CHD2: variants seen among roughly 807,000 people sequenced by gnomAD.
The protein encoded by CHD2 is chromodomain helicase DNA binding protein 2.
A neutral mutation model predicts 243.9 loss-of-function variants in CHD2; 28 were observed. The observed-to-expected ratio is 0.11, with a 90% CI of 0.09 to 0.16. The LOEUF (loss-of-function observed/expected upper bound fraction) is 0.16, where lower values mean the gene tolerates loss of function less well. Ranked by LOEUF, CHD2 falls within the 10% of genes least tolerant of loss-of-function variation. The pLI is 1.00. For missense variants in CHD2, 1,386 were observed against 2,209.8 expected, an observed-to-expected ratio of 0.63 and a Z score of 7.47; for synonymous variants, 775 against 779.0, an observed-to-expected ratio of 0.99 and a Z score of 0.09.
chr15:92,928,966 A>G (rs2053115998), intron 4 of CHD2, 64 bp from the exon 5 acceptor site: 20 of 1,447,340 alleles, frequency 1.4e-5, no homozygotes, highest in Non-Finnish European at 1.7e-5. Context: ...TCCAGGAGAT[A>G]GTGTTGTCCC....
chr15:93,012,507 A>C, intron 36 of CHD2, 63 bp downstream of exon 36: 1 of 1,273,400 alleles, frequency 7.9e-7, no homozygotes, highest in South Asian at 1.3e-5. Flanking sequence ...AAAATCTCTT[A>C]ATTTTTGTTT....
At chr15:92,946,473 T>C in intron 12 of CHD2, 1 of 245,338 alleles carries the variant, frequency 4.1e-6, no homozygotes. Flanking sequence ...ATTTAGGCAC[T>C]TTTATTTTAT....
rs2052512419 is a variant in CHD2, at chr15:92,900,371, G to A, written c.-525G>A. The A allele has an allele frequency of 2.6e-6, 1 of 390,882 alleles. No individual in the cohort carries two copies. Among genetic ancestry groups the A allele is most frequent in the Non-Finnish European group, 4.5e-6 (1 of 221,988 alleles). The allele number at this position is 390,882 out of a possible 1,614,324, so 24.2% of individuals were successfully genotyped here. ...ATGGCGGCTGTGCCTTAGAGAGAGC[G>A]CGCTCTGCTCCCTGCCTTTGCCTCA... On this transcript the variant is annotated 5_prime_UTR_variant, in exon 1 of 39. Coordinates refer to ENST00000394196, the MANE Select transcript of CHD2 (RefSeq NM_001271.4).
chr15:93,010,834 C>T (rs1375351564), intron 35 of CHD2, among the ~76,000 whole-genome samples: 1 of 152,146 alleles, frequency 6.6e-6, no homozygotes, highest in Admixed American at 6.6e-5. Context: ...CTTGTTTGTA[C>T]ATAACCACAG....
At chr15:92,937,404 TA>T in intron 5 of CHD2, 113 bp from the exon 6 acceptor site, 1 of 690,646 alleles carries the variant, frequency 1.4e-6, no homozygotes, top group Non-Finnish European at 2.4e-6. Context: ...TTAGCATGTC[TA>T]AAATGTGCAT....
Position 93,014,141 on chromosome 15 carries a change from AC to A in CHD2, c.4693-554del, listed in dbSNP as rs1167753963. Among the ~76,000 whole-genome samples the A allele has an allele frequency of 2.0e-5, 3 of 152,320 alleles. No homozygotes were observed. The South Asian group carries it at 6.2e-4, about 32-fold the overall frequency. ...ACTACAAAAAAAAGCTTAGAAAAAT[AC>A]GTGCCAAATTATTAACAGTAATTCC... On this transcript the variant is annotated intron_variant, in intron 36 of 38. Transcript: ENST00000394196.
intron 38 of CHD2, among the ~76,000 whole-genome samples, chr15:93,023,674 T>TG (rs1197028688): frequency 7.1e-6 from 1 of 140,460 alleles, no homozygotes; most frequent in Non-Finnish European, 1.5e-5. Context: ...CTGGGTTTTT[T>TG]TTTTGTGTTT....
rs1376428350 is a variant in CHD2 at position 93,025,957 on chromosome 15, G to A, written c.*1252G>A. On this transcript the variant is annotated 3_prime_UTR_variant, in exon 39 of 39. Coordinates refer to ENST00000394196, the MANE Select transcript of CHD2 (RefSeq NM_001271.4). ...TCAGTTTCTCTTAGAATATAATCAG[G>A]TATAAACCTAAGTTAAACTTTTTCC... 1 of 152,516 alleles carries A rather than the reference G, an allele frequency of 6.6e-6. No homozygotes were observed. The highest frequency in any genetic ancestry group is 2.4e-5 in the African/African-American group (1 of 41,406). 9.4% of individuals were successfully genotyped at this position (152,516 alleles called of 1,614,324 possible). A position where few individuals can be genotyped will look rare whatever the true frequency, so the allele number is the denominator to read the frequency against.
At chr15:92,984,300 A>G (rs896715431) in intron 24 of CHD2, 30 bp from the exon 25 acceptor site, 2 of 1,483,100 alleles carry the variant, frequency 1.3e-6, no homozygotes, top group Non-Finnish European at 1.8e-6. Flanking sequence ...GAAATAGGGA[A>G]ATGTCAGACA....
At chr15:92,988,181 C>G (rs2054069725) in intron 26 of CHD2, among the ~76,000 whole-genome samples, 1 of 151,958 alleles carries the variant, frequency 6.6e-6, no homozygotes, top group African/African-American at 2.4e-5. Context: ...TTCCCAGGTT[C>G]AAGTGACTGT....
At chr15:92,994,397 TA>T (rs568317759) in intron 28 of CHD2, among the ~76,000 whole-genome samples, 48 of 152,100 alleles carry the variant, frequency 3.2e-4, no homozygotes, top group East Asian at 2.9e-3. Flanking sequence ...ATTTTAATAA[TA>T]AAAAATTATT....
chr15:92,963,869 GAC>G (rs1328620280), intron 16 of CHD2, among the ~76,000 whole-genome samples: 2 of 152,226 alleles, frequency 1.3e-5, no homozygotes, highest in Admixed American at 6.5e-5. Flanking sequence ...AGAGTTATGA[GAC>G]ACAGTGGGAA....
At position 92,953,444 on chromosome 15, in the gene CHD2, C is replaced by T; in HGVS notation, c.1590C>T (p.His530=). 3 of 1,614,158 alleles carry T rather than the reference C, an allele frequency of 1.9e-6. No homozygotes were observed. The highest frequency in any genetic ancestry group is 2.5e-6 in the Non-Finnish European group (3 of 1,180,026). Residue 530 remains histidine, a synonymous_variant, in exon 14 of 39, where the codon CAC becomes CAT. Coordinates refer to ENST00000394196, the MANE Select transcript of CHD2 (RefSeq NM_001271.4). ...TCCTCTCCTACCTGTTCCACCAACA[C>T]CAGCTGTATGGCCCCTTTCTTATAG... ...ISFLSYLFHQ[H]QLYGPFLIVV... is the part of the protein sequence containing the mutation.
chr15:92,973,686 A>C (rs574102058), intron 19 of CHD2, among the ~76,000 whole-genome samples: 6 of 152,214 alleles, frequency 3.9e-5, no homozygotes, highest in Non-Finnish European at 5.9e-5. Context: ...CTTCTCTGTC[A>C]GTGAATCGAA....
intron 17 of CHD2, among the ~76,000 whole-genome samples, chr15:92,968,476 A>G (rs2053796839): frequency 1.3e-5 from 2 of 152,230 alleles, no homozygotes; most frequent in Admixed American, 6.5e-5. Flanking sequence ...AGGCAGAGGA[A>G]TATTGTTTCA....
chr15:92,956,320 T>A (rs1002189185), intron 15 of CHD2, 139 bp from the exon 16 acceptor site: 5 of 639,530 alleles, frequency 7.8e-6, no homozygotes, highest in Non-Finnish European at 1.3e-5. Context: ...AGAAGAGGCC[T>A]AATATATATT....
intron 26 of CHD2, among the ~76,000 whole-genome samples, chr15:92,985,973 A>G (rs2054037557): frequency 6.6e-6 from 1 of 152,208 alleles, no homozygotes. Flanking sequence ...ATGTATATAC[A>G]GACTTATGTA....
chr15:92,971,670 C>T, intron 17 of CHD2, 95 bp from the exon 18 acceptor site: 1 of 1,084,026 alleles, frequency 9.2e-7, no homozygotes, highest in South Asian at 2.8e-5. Context: ...CTCTTTTTTT[C>T]TCCACAATAC....
chr15:92,969,097 G>A (rs193272168), intron 17 of CHD2, among the ~76,000 whole-genome samples: 1 of 152,352 alleles, frequency 6.6e-6, no homozygotes, highest in East Asian at 1.9e-4. Context: ...AGGGGAAATA[G>A]TGTTACCTTA....
Sources: gnomAD v4.1 joint callset for allele counts (sites outside exome capture counted in the v4.1 genomes callset) on GRCh38, gnomAD v4.1.1 for gene constraint, MANE v1.5 for transcripts, NCBI Gene and HGNC (gene_info 2026-07-23, HGNC 2026-07-21) for gene names.